The following ANKFN1 variants were observed in gnomAD, a reference collection of about 807,000 sequenced individuals.
ANKFN1 encodes the protein ankyrin repeat and fibronectin type III domain containing 1, also known as ankyrin repeat and fibronectin type-III domain-containing protein 1.
A neutral mutation model predicts 108.7 loss-of-function variants in ANKFN1; 74 were observed. The ratio of observed to expected loss-of-function variants is 0.68; its 90% CI spans 0.56 to 0.83. ANKFN1 has a LOEUF of 0.83. Ranked by LOEUF, ANKFN1 falls within the 40% of genes least tolerant of loss-of-function variation. ANKFN1 has a pLI of 0.00. For missense variants in ANKFN1, 1,505 were observed against 1,382.3 expected (o/e 1.09, Z -1.41); for synonymous variants, 547 against 516.2 (o/e 1.06, Z -0.81).
intron 4 of ANKFN1, among the ~76,000 whole-genome samples, chr17:56,335,063 C>G (rs928340120): frequency 6.6e-6 from 1 of 152,124 alleles, no homozygotes; most frequent in Admixed American, 6.6e-5. Flanking sequence ...TCTGAGGTCT[C>G]TGTTCTGTTC....
intron 15 of ANKFN1, among the ~76,000 whole-genome samples, chr17:56,468,984 G>A (rs2050223379): frequency 6.6e-6 from 1 of 152,058 alleles, no homozygotes; most frequent in Non-Finnish European, 1.5e-5. Flanking sequence ...GATAAACTAG[G>A]GTCTGGGCTA....
At chr17:56,377,940 C>A (rs898882911) in intron 8 of ANKFN1, among the ~76,000 whole-genome samples, 1 of 152,038 alleles carries the variant, frequency 6.6e-6, no homozygotes, top group African/African-American at 2.4e-5. Flanking sequence ...TGCCTGAGTG[C>A]AGTACCCGGG....
At chr17:56,235,627 C>T (rs539161021) in intron 3 of ANKFN1, among the ~76,000 whole-genome samples, 17 of 152,166 alleles carry the variant, frequency 1.1e-4, no homozygotes, top group East Asian at 3.9e-4. Flanking sequence ...TCCTCACTGA[C>T]GGTTTTTGTC....
At chr17:56,250,133 A>G (rs1036698714) in intron 3 of ANKFN1, among the ~76,000 whole-genome samples, 3 of 152,150 alleles carry the variant, frequency 2.0e-5, no homozygotes, top group Non-Finnish European at 4.4e-5. Flanking sequence ...ACAATAACCC[A>G]AGGATACTCC....
At chr17:56,439,599 A>T (rs1012602397) in intron 8 of ANKFN1, among the ~76,000 whole-genome samples, 23 of 152,102 alleles carry the variant, frequency 1.5e-4, no homozygotes, top group Admixed American at 1.4e-3. Flanking sequence ...TTTCCAATGA[A>T]AAGGCTTGGA....
At chr17:56,334,039 T>C (rs945160425) in intron 4 of ANKFN1, among the ~76,000 whole-genome samples, 4 of 152,062 alleles carry the variant, frequency 2.6e-5, no homozygotes, top group African/African-American at 4.8e-5. Flanking sequence ...AATTTCATTA[T>C]TAAATATTAA....
chr17:56,457,731 G>A (rs1404725233), intron 13 of ANKFN1, 132 bp from the exon 14 acceptor site: 3 of 704,212 alleles, frequency 4.3e-6, no homozygotes, highest in Non-Finnish European at 7.4e-6. Context: ...AAGTTGTTTC[G>A]TGTGTGTCTG....
chr17:56,073,546 C>T (rs1279438498), intron 4 of ANKFN1, among the ~76,000 whole-genome samples: 3 of 152,012 alleles, frequency 2.0e-5, no homozygotes, highest in Admixed American at 1.3e-4. Flanking sequence ...CAAAATTAGC[C>T]GCTTTAAAAT....
intron 2 of ANKFN1, among the ~76,000 whole-genome samples, chr17:56,216,771 G>A (rs1915453989): frequency 6.6e-6 from 1 of 152,186 alleles, no homozygotes; most frequent in Admixed American, 6.5e-5. Flanking sequence ...ACCCCACATT[G>A]TTAATGATGC....
chr17:56,103,543 G>C (rs957408310), intron 4 of ANKFN1, among the ~76,000 whole-genome samples: 1 of 152,154 alleles, frequency 6.6e-6, no homozygotes, highest in Non-Finnish European at 1.5e-5. Context: ...GTGCTCCACC[G>C]AGTCCCATTG....
chr17:56,232,241 T>C (rs1916791389), intron 3 of ANKFN1, among the ~76,000 whole-genome samples: 1 of 152,166 alleles, frequency 6.6e-6, no homozygotes, highest in African/African-American at 2.4e-5. Flanking sequence ...CATTTTTCAA[T>C]GCTCCTTTTA....
At chr17:56,307,269 C>G (rs572081153) in intron 3 of ANKFN1, among the ~76,000 whole-genome samples, 113 of 152,160 alleles carry the variant, frequency 7.4e-4, no homozygotes, top group Non-Finnish European at 1.5e-3. Flanking sequence ...GCAAAAGAAA[C>G]TACCATCAGA....
intron 6 of ANKFN1, among the ~76,000 whole-genome samples, chr17:56,359,975 G>A (rs2046473481): frequency 6.6e-6 from 1 of 152,146 alleles, no homozygotes; most frequent in Admixed American, 6.6e-5. Context: ...TTCCAAAACA[G>A]CATTGCCTAG....
intron 20 of ANKFN1, among the ~76,000 whole-genome samples, chr17:56,508,811 A>G (rs2081785080): frequency 6.6e-6 from 1 of 152,254 alleles, no homozygotes; most frequent in African/African-American, 2.4e-5. Context: ...CCATTAAAAC[A>G]GTAAACTCCC....
intron 10 of ANKFN1, among the ~76,000 whole-genome samples, chr17:56,444,461 C>CA (rs2049215612): frequency 6.6e-6 from 1 of 152,060 alleles, no homozygotes; most frequent in South Asian, 2.1e-4. Context: ...TCAAGACCAG[C>CA]CATGAATCAG....
intron 15 of ANKFN1, among the ~76,000 whole-genome samples, chr17:56,473,931 A>G (rs969233275): frequency 1.3e-5 from 2 of 152,050 alleles, no homozygotes; most frequent in Non-Finnish European, 2.9e-5. Flanking sequence ...TGACCCCCAC[A>G]TGTTTTTCTG....
chr17:56,471,583 G>T (rs181363424), intron 15 of ANKFN1: 2 of 152,246 alleles, frequency 1.3e-5, no homozygotes, highest in Admixed American at 1.3e-4. Context: ...GTAAAAACTT[G>T]TTCACCAATG....
intron 8 of ANKFN1, among the ~76,000 whole-genome samples, chr17:56,397,406 C>G (rs2047619806): frequency 6.6e-6 from 1 of 152,178 alleles, no homozygotes; most frequent in African/African-American, 2.4e-5. Flanking sequence ...CTGTTCACTG[C>G]CAAAGAACTG....
chr17:56,502,161 C>A (rs1432869151), intron 20 of ANKFN1, among the ~76,000 whole-genome samples: 2 of 152,198 alleles, frequency 1.3e-5, no homozygotes, highest in Non-Finnish European at 2.9e-5. Context: ...CTCTTCATTT[C>A]TATTTCCACC....
Sources: allele counts gnomAD v4.1 joint callset (sites outside exome capture counted in the v4.1 genomes callset), GRCh38; gene constraint gnomAD v4.1.1; transcripts MANE v1.5; gene names NCBI Gene and HGNC (gene_info 2026-07-23, HGNC 2026-07-21).